Variants in PCDH15 observed in about 807,000 individuals in gnomAD.
PCDH15 encodes the protein protocadherin-15.
PCDH15 carries 129 observed loss-of-function variants against 178.5 expected under a neutral mutation model. The observed-to-expected ratio is 0.72, with a 90% CI of 0.63 to 0.84. The LOEUF (loss-of-function observed/expected upper bound fraction) is 0.84, where lower values mean the gene tolerates loss of function less well. Among genes scored for constraint, PCDH15 ranks in the 40% least tolerant of loss-of-function variants. The pLI is 0.00. For missense variants in PCDH15, 2,230 were observed against 2,099.9 expected, an observed-to-expected ratio of 1.06 and a Z score of -1.21; for synonymous variants, 800 against 732.0, an observed-to-expected ratio of 1.09 and a Z score of -1.50.
chr10:55,549,001 C>T (rs1841948503), intron 2 of PCDH15, among the ~76,000 whole-genome samples: 1 of 152,006 alleles, frequency 6.6e-6, no homozygotes, highest in African/African-American at 2.4e-5. Context: ...AAGATTAGTA[C>T]CAAAGCAGCC....
intron 8 of PCDH15, among the ~76,000 whole-genome samples, chr10:54,277,853 G>C (rs1277653831): frequency 6.6e-6 from 1 of 151,110 alleles, no homozygotes; most frequent in Non-Finnish European, 1.5e-5. Flanking sequence ...GAGGAGTATA[G>C]AGGAAGCCAA....
At chr10:53,903,172 A>T in intron 26 of PCDH15, 71 bp downstream of exon 26, 1 of 1,565,286 alleles carries the variant, frequency 6.4e-7, no homozygotes, top group Non-Finnish European at 8.7e-7. Context: ...AATGCAAACT[A>T]CAGGCTTACA....
intron 1 of PCDH15, among the ~76,000 whole-genome samples, chr10:55,299,142 C>T (rs1055125007): frequency 1.3e-5 from 2 of 152,054 alleles, no homozygotes; most frequent in African/African-American, 2.4e-5. Flanking sequence ...GTCCTGGTTT[C>T]GTCCCATTTT....
chr10:55,598,479 C>T (rs952402124), intron 2 of PCDH15, among the ~76,000 whole-genome samples: 2 of 138,542 alleles, frequency 1.4e-5, no homozygotes, highest in African/African-American at 5.3e-5. Flanking sequence ...TCTCTTGTCA[C>T]TCAGCCTATA....
intron 35 of PCDH15, among the ~76,000 whole-genome samples, chr10:53,814,822 G>C (rs1423820286): frequency 6.6e-6 from 1 of 151,960 alleles, no homozygotes; most frequent in Non-Finnish European, 1.5e-5. Context: ...AAATTAGCTG[G>C]GCATGGTGGC....
intron 2 of PCDH15, among the ~76,000 whole-genome samples, chr10:54,975,869 C>A (rs530569836): frequency 6.6e-6 from 1 of 152,092 alleles, no homozygotes; most frequent in Non-Finnish European, 1.5e-5. Context: ...TAAATTAGCA[C>A]ACTGGGGAAT....
At chr10:54,695,639 G>C (rs1328828158) in intron 1 of PCDH15, among the ~76,000 whole-genome samples, 1 of 152,094 alleles carries the variant, frequency 6.6e-6, no homozygotes, top group Non-Finnish European at 1.5e-5. Context: ...AAGCATCAAA[G>C]TACAGGCTGA....
At chr10:54,315,098 T>C (rs1351261781) in intron 8 of PCDH15, among the ~76,000 whole-genome samples, 1 of 152,202 alleles carries the variant, frequency 6.6e-6, no homozygotes, top group Non-Finnish European at 1.5e-5. Flanking sequence ...TTTTAGCTCT[T>C]TGAGAAATTG....
At chr10:54,873,574 G>GTA (rs1554809266) in intron 3 of PCDH15, among the ~76,000 whole-genome samples, 153 of 145,896 alleles carry the variant, frequency 1.0e-3, no homozygotes, top group African/African-American at 3.6e-3. Context: ...GTGTGTGTGT[G>GTA]TATATATATA....
At chr10:55,080,930 A>G (rs1573227) in intron 2 of PCDH15, among the ~76,000 whole-genome samples, 91,878 of 152,012 alleles carry the variant, frequency 0.6, 29,978 homozygotes, top group East Asian at 0.86. Flanking sequence ...AGCAGTATGC[A>G]GAAAGGGAAA....
At chr10:55,372,112 T>C (rs529389453) in intron 2 of PCDH15, among the ~76,000 whole-genome samples, 1 of 152,248 alleles carries the variant, frequency 6.6e-6, no homozygotes, top group South Asian at 2.1e-4. Flanking sequence ...AAACTTAATA[T>C]AATCATCCCA....
intron 1 of PCDH15, among the ~76,000 whole-genome samples, chr10:54,756,202 A>G (rs1947089064): frequency 6.6e-6 from 1 of 152,068 alleles, no homozygotes. Context: ...GTGAGCCGAG[A>G]TCACGCCATT....
chr10:54,699,984 C>T (rs1297550079), intron 1 of PCDH15, among the ~76,000 whole-genome samples: 1 of 152,024 alleles, frequency 6.6e-6, no homozygotes, highest in African/African-American at 2.4e-5. Context: ...AAATGATGCT[C>T]AGTAAAATCC....
chr10:55,431,955 C>T (rs1838890167), intron 2 of PCDH15, among the ~76,000 whole-genome samples: 2 of 152,014 alleles, frequency 1.3e-5, no homozygotes, highest in Non-Finnish European at 2.9e-5. Context: ...CTTATCTAAG[C>T]TCTAGGGAGA....
At chr10:54,104,194 TAG>T (rs1195042908) in intron 15 of PCDH15, among the ~76,000 whole-genome samples, 1 of 152,124 alleles carries the variant, frequency 6.6e-6, no homozygotes, top group East Asian at 1.9e-4. Context: ...CAGCATGGAT[TAG>T]AGAGAGGAGG....
intron 3 of PCDH15, among the ~76,000 whole-genome samples, chr10:54,520,416 C>T (rs1344588938): frequency 6.6e-6 from 1 of 152,280 alleles, no homozygotes; most frequent in South Asian, 2.1e-4. Flanking sequence ...TATAAACAGA[C>T]ACTTCTCAAA....
chr10:54,263,417 C>T (rs1361209499), intron 8 of PCDH15, among the ~76,000 whole-genome samples: 1 of 152,180 alleles, frequency 6.6e-6, no homozygotes, highest in Non-Finnish European at 1.5e-5. Flanking sequence ...GTTGCGGATG[C>T]AGCAGTAGCT....
chr10:54,663,585 A>G (rs537945637), intron 2 of PCDH15, among the ~76,000 whole-genome samples: 1 of 151,446 alleles, frequency 6.6e-6, no homozygotes, highest in East Asian at 1.9e-4. Context: ...CTGAAAATTA[A>G]TGAATCTTTC....
intron 3 of PCDH15, among the ~76,000 whole-genome samples, chr10:54,465,363 A>T (rs1477035550): frequency 6.6e-6 from 1 of 152,018 alleles, no homozygotes; most frequent in Non-Finnish European, 1.5e-5. Flanking sequence ...GTTTAAATGT[A>T]TGTTTAGACC....
Sources: allele counts gnomAD v4.1 joint callset (sites outside exome capture counted in the v4.1 genomes callset), GRCh38; gene constraint gnomAD v4.1.1; transcripts MANE v1.5; gene names NCBI Gene and HGNC (gene_info 2026-07-23, HGNC 2026-07-21).